Variants in A2ML1 observed in about 807,000 individuals in gnomAD.
The protein encoded by A2ML1 is alpha-2-macroglobulin like 1.
A neutral mutation model predicts 181.9 loss-of-function variants in A2ML1; 161 were observed. The ratio of observed to expected loss-of-function variants is 0.89; its 90% CI spans 0.78 to 1.01. A2ML1 has a LOEUF of 1.01. A2ML1 is among the 50% of genes least tolerant of loss of function. The probability of loss-of-function intolerance (pLI) is 0.00; values close to 1 mark genes in which losing one functional copy is unlikely to be tolerated. For missense variants in A2ML1, 1,670 were observed against 1,768.1 expected, an observed-to-expected ratio of 0.94 and a Z score of 1.00; for synonymous variants, 663 against 666.8, an observed-to-expected ratio of 0.99 and a Z score of 0.09.
rs1173530932 is a variant in A2ML1 at position 8,823,171 on chromosome 12, T to C, written c.63-11T>C. 1 of 1,611,584 alleles carries C rather than the reference T, an allele frequency of 6.2e-7. No homozygotes were observed. ...CATTATTGCCCTGAAATCCTTCTGC[T>C]CCTTTAATAGAAACTACCTGGTGAC... On this transcript the variant is annotated splice_polypyrimidine_tract_variant and intron_variant, in intron 1 of 35. Coordinates refer to ENST00000299698, the MANE Select transcript of A2ML1 (RefSeq NM_144670.6).
intron 12 of A2ML1, among the ~76,000 whole-genome samples, chr12:8,843,801 C>G (rs755047738): frequency 6.6e-6 from 1 of 151,096 alleles, no homozygotes; most frequent in Non-Finnish European, 1.5e-5. Context: ...TCACTGCAAG[C>G]TCCACCTCCC....
intron 8 of A2ML1, 32 bp from the exon 9 acceptor site, chr12:8,838,304 C>A: frequency 6.9e-7 from 1 of 1,448,258 alleles, no homozygotes; most frequent in Non-Finnish European, 9.7e-7. Context: ...TCCTCATCTG[C>A]TCTCTATCTC....
rs1221951899 is a variant in A2ML1 at position 8,849,648 on chromosome 12, TA to T, written c.2029-20del. The T allele has an allele frequency of 1.2e-6, 2 of 1,608,208 alleles. No homozygotes were observed. Among genetic ancestry groups the T allele is most frequent in the Non-Finnish European group, 1.7e-6 (2 of 1,174,750 alleles). ...TTGGGGAAGGGACCACCTTAATACT[TA>T]TTTCTCTGATGCCTATCAGGACGTG... is the stretch of plus-strand genomic sequence containing the variant. On this transcript the variant is annotated intron_variant, in intron 16 of 35. Coordinates refer to ENST00000299698, the MANE Select transcript of A2ML1 (RefSeq NM_144670.6).
rs7307991 is a variant in A2ML1 at position 8,843,098 on chromosome 12, A to G, written c.1249-36A>G. On this transcript the variant is annotated intron_variant, in intron 11 of 35. Coordinates refer to ENST00000299698, the MANE Select transcript of A2ML1 (RefSeq NM_144670.6). The stretch of plus-strand genomic sequence containing the variant: ...TCCGTGGGGTTTCCATGGTTGGAGC[A>G]CATGCTAAAATTCTCTCTCTCTCTT... The G allele has an allele frequency of 0.32, 509,461 of 1,582,836 alleles. 89,284 individuals carry two copies. The highest frequency in any genetic ancestry group is 0.36 in the Non-Finnish European group (418,559 of 1,152,284).
chr12:8,837,394 C>T, intron 7 of A2ML1, 46 bp from the exon 8 acceptor site: 1 of 1,605,418 alleles, frequency 6.2e-7, no homozygotes, highest in African/African-American at 1.3e-5. Context: ...AGTTGGATCT[C>T]AAGTGGAATT....
intron 13 of A2ML1, 30 bp from the exon 14 acceptor site, chr12:8,846,047 T>C: frequency 3.7e-6 from 6 of 1,612,116 alleles, no homozygotes; most frequent in Non-Finnish European, 5.1e-6. Context: ...TGCATTCTGA[T>C]TTTCCTGTAT....
chr12:8,834,452 C>G (rs987751969), intron 4 of A2ML1, among the ~76,000 whole-genome samples: 1 of 152,214 alleles, frequency 6.6e-6, no homozygotes, highest in Non-Finnish European at 1.5e-5. Context: ...TGCCCCCACT[C>G]TTACCCTCCT....
chr12:8,868,452 G>C, intron 31 of A2ML1, 85 bp from the exon 32 acceptor site: 5 of 1,392,492 alleles, frequency 3.6e-6, no homozygotes, highest in Non-Finnish European at 4.8e-6. Flanking sequence ...GTATGTGTGT[G>C]TGTACGTGTG....
In A2ML1 at chr12:8,869,306, G is replaced by A. The variant is rs746794422; in HGVS notation, c.4221+103G>A. On this transcript the variant is annotated intron_variant, in intron 33 of 35. Coordinates refer to ENST00000299698, the MANE Select transcript of A2ML1 (RefSeq NM_144670.6). The stretch of plus-strand genomic sequence containing the variant: ...GGTGTCACACACATGGGGATGAGGG[G>A]CCTGGGAGTGAGTCCACACCATGCC... 2.4e-5 allele frequency: 28 copies of A among 1,170,510 alleles called. No individual in the cohort carries two copies. The African/African-American group carries it at 3.5e-4, about 14-fold the overall frequency. 72.5% of individuals were successfully genotyped at this position (1,170,510 alleles called of 1,614,324 possible).
intron 5 of A2ML1, chr12:8,835,037 A>G (rs1249491226): frequency 3.1e-6 from 1 of 324,054 alleles, no homozygotes; most frequent in African/African-American, 2.1e-5. Context: ...GTACGTGATA[A>G]CATAAACACC....
intron 10 of A2ML1, among the ~76,000 whole-genome samples, chr12:8,841,009 A>AGGAT (rs1455920945): frequency 1.3e-5 from 1 of 76,960 alleles, no homozygotes; most frequent in Non-Finnish European, 3.0e-5. Context: ...GAAGGAAGGA[A>AGGAT]GGACGGAAGG....
intron 16 of A2ML1, 55 bp downstream of exon 16, chr12:8,848,969 A>G: frequency 6.4e-7 from 1 of 1,551,698 alleles, no homozygotes; most frequent in South Asian, 1.2e-5. Flanking sequence ...GGGAATGGGC[A>G]AAGGAAAGTT....
At chr12:8,835,437 T>C in intron 5 of A2ML1, 70 bp from the exon 6 acceptor site, 1 of 1,592,638 alleles carries the variant, frequency 6.3e-7, no homozygotes, top group Non-Finnish European at 8.6e-7. Context: ...TTTGCTTCTT[T>C]ACCTGCTTTT....
At chr12:8,885,837 T>A (rs892535229) in intron 7 of A2ML1, among the ~76,000 whole-genome samples, 1 of 152,196 alleles carries the variant, frequency 6.6e-6, no homozygotes, top group Non-Finnish European at 1.5e-5. Context: ...AGAGACTTTG[T>A]TTTCCTACAT....
rs766642148 is a variant in A2ML1, at chr12:8,851,917, T to C, written c.2368T>C (p.Phe790Leu). Residue 790 changes from phenylalanine (F) to leucine (L), a missense_variant, in exon 19 of 36, where the codon TTC (phenylalanine) becomes CTC (leucine). Transcript: ENST00000299698. ...TGTTGGACTAACTGCTTTCAAGCCGTTCTTTGTTGACCTGACTCTCCCTTA... is the reference window on the plus strand; with the variant it reads ...TGTTGGACTAACTGCTTTCAAGCCGCTCTTTGTTGACCTGACTCTCCCTTA... Reference protein sequence around the residue: ...PTVGLTAFKPFFVDLTLPYSV... With the variant: ...PTVGLTAFKPLFVDLTLPYSV... 1 of 1,614,188 alleles carries C rather than the reference T, an allele frequency of 6.2e-7. No individual in the cohort carries two copies. Among genetic ancestry groups the C allele is most frequent in the South Asian group, 1.1e-5 (1 of 91,084 alleles).
At chr12:8,867,173 A>G (rs1944450965) in intron 29 of A2ML1, among the ~76,000 whole-genome samples, 1 of 152,240 alleles carries the variant, frequency 6.6e-6, no homozygotes. Flanking sequence ...TTCTAGGGCT[A>G]TCAAGTTACT....
At chr12:8,882,291 A>G (rs1355336458) in intron 7 of A2ML1, among the ~76,000 whole-genome samples, 1 of 152,186 alleles carries the variant, frequency 6.6e-6, no homozygotes, top group Non-Finnish European at 1.5e-5. Flanking sequence ...TCTTCCCATA[A>G]CAATGGCCTC....
rs758107498 is a variant in A2ML1, at chr12:8,846,026, G to A, written c.1538-51G>A. Reference sequence around the variant, plus strand: ...AAGTACATATGGTTAGATGCCGTTGGCAGGTGAATGTGCATTCTGATTTTC... The same window carrying A: ...AAGTACATATGGTTAGATGCCGTTGACAGGTGAATGTGCATTCTGATTTTC... On this transcript the variant is annotated intron_variant, in intron 13 of 35. Transcript: ENST00000299698. 727 of 1,606,440 alleles carry A rather than the reference G, an allele frequency of 4.5e-4. 9 individuals are homozygous for A. In the South Asian group the frequency reaches 7.6e-3, roughly 17 times the overall value.
At chr12:8,872,345 C>G (rs1267001296) in intron 33 of A2ML1, among the ~76,000 whole-genome samples, 1 of 152,062 alleles carries the variant, frequency 6.6e-6, no homozygotes, top group Non-Finnish European at 1.5e-5. Context: ...GGACCTCAAA[C>G]AGCTTTCGGT....
Sources: gnomAD v4.1 joint callset for allele counts (sites outside exome capture counted in the v4.1 genomes callset) on GRCh38, gnomAD v4.1.1 for gene constraint, MANE v1.5 for transcripts, NCBI Gene and HGNC (gene_info 2026-07-23, HGNC 2026-07-21) for gene names.